FILIP1L: variants seen among roughly 807,000 people sequenced by gnomAD.
FILIP1L encodes filamin A-interacting protein 1-like.
In FILIP1L, 55 loss-of-function variants were observed where a neutral mutation model predicts 96.6. The observed-to-expected ratio is 0.57, with a 90% CI of 0.46 to 0.71. FILIP1L has a LOEUF of 0.71. Among genes scored for constraint, FILIP1L ranks in the 30% least tolerant of loss-of-function variants. The pLI is 0.00. For synonymous variants in FILIP1L, 467 were observed against 473.9 expected (o/e 0.99, Z 0.19); for missense variants, 1,304 against 1,321.2 (o/e 0.99, Z 0.20).
At chr3:99,890,437 A>G (rs1367873654) in intron 4 of FILIP1L, among the ~76,000 whole-genome samples, 1 of 152,130 alleles carries the variant, frequency 6.6e-6, no homozygotes, top group Admixed American at 6.5e-5. Context: ...TAACATTTCA[A>G]ATATGGCTTC....
intron 4 of FILIP1L, among the ~76,000 whole-genome samples, chr3:99,869,568 C>G (rs113402408): frequency 0.039 from 6,013 of 152,242 alleles, 146 homozygotes; most frequent in Non-Finnish European, 0.062. Context: ...TAAGGGACTT[C>G]CACAATATCT....
chr3:99,888,656 T>TG (rs758301615), intron 4 of FILIP1L, among the ~76,000 whole-genome samples: 4 of 152,218 alleles, frequency 2.6e-5, no homozygotes, highest in Non-Finnish European at 4.4e-5. Context: ...TTTTATATAC[T>TG]GGCTGTGGAA....
intron 1 of FILIP1L, among the ~76,000 whole-genome samples, chr3:99,977,560 A>G (rs1008258902): frequency 6.6e-6 from 1 of 152,192 alleles, no homozygotes; most frequent in African/African-American, 2.4e-5. Flanking sequence ...CTCCAAAAAG[A>G]ATAAAATTAT....
At position 99,968,646 on chromosome 3, in the gene FILIP1L, A is replaced by G. The variant is rs1708725890; in HGVS notation, c.-10-37616T>C. 3.9e-5 allele frequency among the ~76,000 whole-genome samples: 6 copies of G among 152,220 alleles called. 1 individual carries two copies. Among genetic ancestry groups the G allele is most frequent in the Admixed American group, 3.9e-4 (6 of 15,286 alleles). On this transcript the variant is annotated intron_variant, in intron 1 of 5. Coordinates refer to ENST00000477258, the MANE Select transcript of FILIP1L (RefSeq NM_001387850.1). ...ATTACCATGGGTGAAGCCTTGAGTA[A>G]TACAGACATTTAAGAAGCAAACAAA...
chr3:99,851,166 A>T, intron 4 of FILIP1L, 96 bp from the exon 5 acceptor site: 1 of 1,015,028 alleles, frequency 9.9e-7, no homozygotes. Context: ...TTATGTAATT[A>T]TATGAGCTGT....
At chr3:99,982,686 G>A (rs1212862090) in intron 1 of FILIP1L, among the ~76,000 whole-genome samples, 1 of 151,944 alleles carries the variant, frequency 6.6e-6, no homozygotes, top group Non-Finnish European at 1.5e-5. Flanking sequence ...TCACTGAAGT[G>A]CTTAATCATG....
At chr3:100,048,227 CTT>C (rs1478290304) in intron 1 of FILIP1L, among the ~76,000 whole-genome samples, 1 of 152,194 alleles carries the variant, frequency 6.6e-6, no homozygotes, top group Non-Finnish European at 1.5e-5. Context: ...CTTCCACTGT[CTT>C]TATTTTACTA....
At chr3:99,884,581 C>T (rs1237458204) in intron 4 of FILIP1L, among the ~76,000 whole-genome samples, 1 of 152,194 alleles carries the variant, frequency 6.6e-6, no homozygotes, top group African/African-American at 2.4e-5. Flanking sequence ...TTCCTTCCCA[C>T]TTTATGGGAT....
At chr3:99,843,695 A>T (rs1290409042) in intron 5 of FILIP1L, among the ~76,000 whole-genome samples, 1 of 152,134 alleles carries the variant, frequency 6.6e-6, no homozygotes, top group African/African-American at 2.4e-5. Flanking sequence ...ATTGGGCAAA[A>T]TTGTCTAGCA....
In FILIP1L at chr3:99,900,397, A is replaced by G. The variant is rs138987589; in HGVS notation, c.605+23833T>C. 3.4e-3 allele frequency among the ~76,000 whole-genome samples: 513 copies of G among 152,340 alleles called. 1 individual carries two copies. Among genetic ancestry groups the G allele is most frequent in the Non-Finnish European group, 5.5e-3 (375 of 68,032 alleles). ...ATATAAATTAATTCATTTAATCTTTACAGCAGCCCTATAAGGGTTATCCCC... is the reference window on the plus strand; with the variant it reads ...ATATAAATTAATTCATTTAATCTTTGCAGCAGCCCTATAAGGGTTATCCCC... On this transcript the variant is annotated intron_variant, in intron 4 of 5. Coordinates refer to ENST00000477258, the MANE Select transcript of FILIP1L (RefSeq NM_001387850.1).
rs1488330688 is a variant in FILIP1L, at chr3:99,848,937, G to A, written c.2739C>T (p.Asn913=). ...HIKVTPDHVQ[N]TATLEITSPT... ...GACTTGTGATTTCAAGAGTGGCTGTGTTTTGTACATGGTCTGGAGTAACCT... is the reference window on the plus strand; with the variant it reads ...GACTTGTGATTTCAAGAGTGGCTGTATTTTGTACATGGTCTGGAGTAACCT... The change falls in exon 5 of 6, where the codon AAC becomes AAT. Residue 913 remains asparagine (N), a synonymous_variant. Transcript: ENST00000477258. 6 of 1,614,080 alleles carry A rather than the reference G, an allele frequency of 3.7e-6. No individual in the cohort carries two copies. The highest frequency in any genetic ancestry group is 4.2e-6 in the Non-Finnish European group (5 of 1,180,036).
chr3:100,071,900 G>A lies in FILIP1L; in HGVS notation c.-11+42153C>T, dbSNP rs114219822. ...ACCCATCAACCAGGTGTCTTCAGGG[G>A]GACTTTGCCATATCAGCTAATTACA... is the stretch of plus-strand genomic sequence containing the variant. On this transcript the variant is annotated intron_variant, in intron 1 of 5. Coordinates refer to ENST00000477258, the MANE Select transcript of FILIP1L (RefSeq NM_001387850.1). Among the ~76,000 whole-genome samples, 655 of 152,236 alleles carry A rather than the reference G, an allele frequency of 4.3e-3. 7 individuals are homozygous for A. The highest frequency in any genetic ancestry group is 0.015 in the African/African-American group (642 of 41,532).
intron 4 of FILIP1L, among the ~76,000 whole-genome samples, chr3:99,921,373 T>C (rs1427806938): frequency 2.0e-5 from 3 of 152,164 alleles, no homozygotes; most frequent in Admixed American, 6.5e-5. Flanking sequence ...TTAAAGCAGA[T>C]AGAAGTCAGT....
At chr3:100,055,053 T>G (rs965558148) in intron 1 of FILIP1L, among the ~76,000 whole-genome samples, 18 of 152,324 alleles carry the variant, frequency 1.2e-4, no homozygotes, top group African/African-American at 4.3e-4. Context: ...CATAGTATTT[T>G]GTTGTCAGGT....
intron 3 of FILIP1L, among the ~76,000 whole-genome samples, chr3:99,929,587 C>T (rs1039589248): frequency 1.3e-5 from 2 of 151,292 alleles, no homozygotes; most frequent in Admixed American, 6.6e-5. Flanking sequence ...TGTGTATGTG[C>T]CTGCACATGC....
chr3:99,832,084 G>A (rs895284004), intron 5 of FILIP1L, among the ~76,000 whole-genome samples: 12 of 152,132 alleles, frequency 7.9e-5, no homozygotes, highest in Non-Finnish European at 1.0e-4. Flanking sequence ...CTGCCTGAAG[G>A]TTACTGGGCT....
rs534761517 is a variant in FILIP1L at position 99,828,979 on chromosome 3, G to C, written c.*1435C>G. ...GCTGCCCATCATCCCTTTCAATGCT[G>C]CCCAGGCCTCTAGCTCCTTCTCCTC... is the stretch of plus-strand genomic sequence containing the variant. On this transcript the variant is annotated 3_prime_UTR_variant, in exon 6 of 6. Transcript: ENST00000477258. Among the ~76,000 whole-genome samples, 301 of 152,044 alleles carry C rather than the reference G, an allele frequency of 2.0e-3. No homozygotes were observed. The highest frequency in any genetic ancestry group is 6.8e-3 in the African/African-American group (282 of 41,450).
intron 1 of FILIP1L, among the ~76,000 whole-genome samples, chr3:100,004,068 T>C (rs1709919412): frequency 6.6e-6 from 1 of 152,164 alleles, no homozygotes; most frequent in African/African-American, 2.4e-5. Flanking sequence ...TTACCAAAAC[T>C]GGAGGCAAAA....
At chr3:99,981,632 G>A (rs1273796428) in intron 1 of FILIP1L, among the ~76,000 whole-genome samples, 4 of 152,120 alleles carry the variant, frequency 2.6e-5, no homozygotes, top group Admixed American at 2.0e-4. Context: ...TTTGCAAGTG[G>A]AAAATTGACA....
Sources: gnomAD v4.1 joint callset for allele counts (sites outside exome capture counted in the v4.1 genomes callset) on GRCh38, gnomAD v4.1.1 for gene constraint, MANE v1.5 for transcripts, NCBI Gene and HGNC (gene_info 2026-07-23, HGNC 2026-07-21) for gene names.